Variants in MYH13 observed in about 807,000 individuals in gnomAD.
MYH13 encodes myosin-13.
MYH13 carries 177 observed loss-of-function variants against 232.1 expected under a neutral mutation model. The observed-to-expected ratio is 0.76, with a 90% CI of 0.67 to 0.86. The LOEUF is 0.86. Ranked by LOEUF, MYH13 falls within the 40% of genes least tolerant of loss-of-function variation. The pLI is 0.00. For synonymous variants in MYH13, 884 were observed against 923.5 expected, an observed-to-expected ratio of 0.96 and a Z score of 0.78; for missense variants, 2,246 against 2,405.9, an observed-to-expected ratio of 0.93 and a Z score of 1.39.
At chr17:10,322,676 C>T (rs1344364669) in intron 23 of MYH13, among the ~76,000 whole-genome samples, 2 of 145,376 alleles carry the variant, frequency 1.4e-5, no homozygotes, top group South Asian at 2.3e-4. Flanking sequence ...CTCTGTCGCC[C>T]AGGCTGGAGT....
In MYH13 at chr17:10,363,373, T is replaced by C. The variant is rs1299168498; in HGVS notation, c.205-870A>G. Among the ~76,000 whole-genome samples the C allele has an allele frequency of 2.0e-5, 3 of 150,440 alleles. No homozygotes were observed. In the East Asian group the frequency reaches 5.8e-4, roughly 29 times the overall value. The stretch of plus-strand genomic sequence containing the variant: ...AAGAAAAAGAGCTTGTAATACTTCC[T>C]GGATTTTGTTTTCCAAAAACCTAAG... On this transcript the variant is annotated intron_variant, in intron 3 of 40. Coordinates refer to ENST00000252172, the MANE Select transcript of MYH13 (RefSeq NM_003802.3).
rs12938754 is a variant in MYH13 at position 10,343,882 on chromosome 17, G to C, written c.1812C>G (p.Asn604Lys). 1.2e-6 allele frequency: 2 copies of C among 1,614,042 alleles called. No individual in the cohort carries two copies. The highest frequency in any genetic ancestry group is 2.2e-5 in the East Asian group (1 of 44,882). ...GWLDKNKDPL[N>K]ETVVGLYQKS... is the part of the protein sequence containing the mutation. ...TCTGGTACAGCCCCACCACAGTCTC[G>C]TTCAGGGGGTCCTTGTTTTTGTCCA... is the stretch of plus-strand genomic sequence containing the variant. Residue 604 changes from asparagine (N) to lysine (K), a missense_variant, in exon 16 of 41, where the codon AAC becomes AAG. By Grantham distance (94) the Asn-to-Lys change is moderately conservative (BLOSUM62 0). Transcript: ENST00000252172.
At chr17:10,369,117 A>T (rs1307999508) in intron 2 of MYH13, among the ~76,000 whole-genome samples, 1 of 152,168 alleles carries the variant, frequency 6.6e-6, no homozygotes, top group Admixed American at 6.6e-5. Context: ...AAAGCCTATT[A>T]CCTTATTTTA....
chr17:10,342,161 T>C (rs2071623701), intron 16 of MYH13, among the ~76,000 whole-genome samples: 1 of 152,166 alleles, frequency 6.6e-6, no homozygotes, highest in African/African-American at 2.4e-5. Flanking sequence ...TCCTCCCAGC[T>C]CAGGTTCCCA....
In MYH13 at chr17:10,357,806, T is replaced by A. The variant is rs1345631710; in HGVS notation, c.667A>T (p.Ile223Phe). 1.2e-6 allele frequency: 2 copies of A among 1,613,796 alleles called. No homozygotes were observed. Residue 223 changes from isoleucine to phenylalanine, a missense_variant, in exon 8 of 41, where the codon ATC (isoleucine) becomes TTC (phenylalanine). Transcript: ENST00000252172. ...GCCTCCAGCAGTGGGTTGGCCTGGA[T>A]GATCTGATCCTCTAGGGTTCCCTAA... ...KMQGTLEDQI[I>F]QANPLLEAFG...
chr17:10,303,092 A>G, intron 39 of MYH13, 104 bp downstream of exon 39: 2 of 920,552 alleles, frequency 2.2e-6, no homozygotes, highest in Non-Finnish European at 3.5e-6. Flanking sequence ...ATACAAACTC[A>G]GGCCTGAGGC....
rs757971313 is a variant in MYH13, at chr17:10,354,885, A to G, written c.901+10T>C. 1 of 1,594,636 alleles carries G rather than the reference A, an allele frequency of 6.3e-7. No individual in the cohort carries two copies. The highest frequency in any genetic ancestry group is 8.6e-7 in the Non-Finnish European group (1 of 1,162,490). ...ATTTGGAACATAAGAAAGGTATTCCAAGAGCTTACCAATTAGTTCTGGCTT... is the reference window on the plus strand; with the variant it reads ...ATTTGGAACATAAGAAAGGTATTCCGAGAGCTTACCAATTAGTTCTGGCTT... On this transcript the variant is annotated intron_variant, in intron 10 of 40. Transcript: ENST00000252172.
intron 23 of MYH13, among the ~76,000 whole-genome samples, chr17:10,322,720 G>A (rs547211980): frequency 1.1e-4 from 15 of 137,120 alleles, no homozygotes; most frequent in Middle Eastern, 4.1e-3. Context: ...TGCAAGCTCC[G>A]CCTCCCGGGT....
chr17:10,343,154 C>T (rs1218423351), intron 16 of MYH13, among the ~76,000 whole-genome samples: 2 of 150,996 alleles, frequency 1.3e-5, no homozygotes, highest in African/African-American at 4.9e-5. Flanking sequence ...TTCTCAAATT[C>T]CACAGTGGTG....
chr17:10,328,610 T>G (rs1182649917), intron 21 of MYH13, among the ~76,000 whole-genome samples: 2 of 152,130 alleles, frequency 1.3e-5, no homozygotes, highest in East Asian at 3.9e-4. Flanking sequence ...GGACTTGTCC[T>G]TGGTCATTTC....
rs764102697 is a variant in MYH13 at position 10,315,895 on chromosome 17, T to C, written c.3865+4A>G. ...GCTGGACCCAGAGCCCTGCCCATTCTCACCATTTTGGGTCTGCAGTCTTGC... is the reference window on the plus strand; with the variant it reads ...GCTGGACCCAGAGCCCTGCCCATTCCCACCATTTTGGGTCTGCAGTCTTGC... On this transcript the variant is annotated splice_donor_region_variant and intron_variant, in intron 28 of 40. Coordinates refer to ENST00000252172, the MANE Select transcript of MYH13 (RefSeq NM_003802.3). 31 of 1,613,978 alleles carry C rather than the reference T, an allele frequency of 1.9e-5. No individual in the cohort carries two copies. In the African/African-American group the frequency reaches 3.6e-4, roughly 19 times the overall value.
chr17:10,314,583 TTACCA>T (rs1465593111), intron 29 of MYH13, among the ~76,000 whole-genome samples: 6 of 152,142 alleles, frequency 3.9e-5, no homozygotes, highest in African/African-American at 1.4e-4. Context: ...CCAAAGATCT[TTACCA>T]TACAACAGAA....
Position 10,347,046 on chromosome 17 carries a change from G to T in MYH13, c.1145-248C>A, listed in dbSNP as rs1440856739. Among the ~76,000 whole-genome samples the T allele has an allele frequency of 4.6e-5, 7 of 152,224 alleles. No homozygotes were observed. The East Asian group carries it at 1.4e-3, about 29-fold the overall frequency. On this transcript the variant is annotated intron_variant, in intron 12 of 40. Transcript: ENST00000252172. ...AATAAGATACTCCGTGGCCAATTTT[G>T]ACCTACTGATATTTCGATTTCATAA...
Position 10,313,229 on chromosome 17 carries a change from A to G in MYH13, c.4110T>C (p.Ser1370=), listed in dbSNP as rs1906579103. 1 of 1,614,026 alleles carries G rather than the reference A, an allele frequency of 6.2e-7. No individual in the cohort carries two copies. Among genetic ancestry groups the G allele is most frequent in the Non-Finnish European group, 8.5e-7 (1 of 1,180,000 alleles). ...ELQRALSKAN[S]EVAQWRTKYE... ...ATTTGGTCCTCCACTGGGCAACCTCACTGTTGGCCTTGGACAGCGCCCTCT... is the reference window on the plus strand; with the variant it reads ...ATTTGGTCCTCCACTGGGCAACCTCGCTGTTGGCCTTGGACAGCGCCCTCT... Residue 1370 remains serine, a synonymous_variant, in exon 30 of 41, where the codon AGT becomes AGC. Transcript: ENST00000252172.
chr17:10,315,223 A>T (rs187120247), intron 29 of MYH13, among the ~76,000 whole-genome samples: 27 of 152,332 alleles, frequency 1.8e-4, no homozygotes, highest in African/African-American at 5.5e-4. Flanking sequence ...AAGGAGATCC[A>T]GTGCCAAGGT....
At chr17:10,334,083 C>T (rs1288295632) in intron 18 of MYH13, among the ~76,000 whole-genome samples, 1 of 152,044 alleles carries the variant, frequency 6.6e-6, no homozygotes, top group East Asian at 1.9e-4. Context: ...TGTGGGTGCT[C>T]GTGGTAACCA....
chr17:10,345,123 G>C (rs2071652064), intron 15 of MYH13, 79 bp downstream of exon 15: 5 of 1,610,362 alleles, frequency 3.1e-6, no homozygotes, highest in Non-Finnish European at 4.2e-6. Context: ...GCCCCAATCT[G>C]TGAGCAGAAA....
intron 26 of MYH13, 62 bp downstream of exon 26, chr17:10,320,091 G>T: frequency 8.1e-7 from 1 of 1,233,886 alleles, no homozygotes; most frequent in Non-Finnish European, 1.2e-6. Flanking sequence ...AAGGGGGAAG[G>T]AGTGAGGAGG....
In MYH13 at chr17:10,360,169, G is replaced by T. The variant is rs1000259330; in HGVS notation, c.525C>A (p.Ile175=). The change falls in exon 6 of 41, where the codon ATC becomes ATA. Residue 175 remains isoleucine, a synonymous_variant. Coordinates refer to ENST00000252172, the MANE Select transcript of MYH13 (RefSeq NM_003802.3). The part of the protein sequence containing the change: ...FMLTDRDNQS[I]LITGESGAGK... ...AAAGAGGTGTTACTCACGTGATGAGGATAGACTGGTTGTCTCGATCTAGAA... is the reference window on the plus strand; with the variant it reads ...AAAGAGGTGTTACTCACGTGATGAGTATAGACTGGTTGTCTCGATCTAGAA... 1.2e-6 allele frequency: 2 copies of T among 1,613,820 alleles called. No individual in the cohort carries two copies. The highest frequency in any genetic ancestry group is 2.7e-5 in the African/African-American group (2 of 74,928).
Sources: gnomAD v4.1 joint callset for allele counts (sites outside exome capture counted in the v4.1 genomes callset) on GRCh38, gnomAD v4.1.1 for gene constraint, MANE v1.5 for transcripts, NCBI Gene and HGNC (gene_info 2026-07-23, HGNC 2026-07-21) for gene names.